The following LYPLAL1 variants were observed in gnomAD, a reference collection of about 807,000 sequenced individuals.
LYPLAL1 encodes lysophospholipase like 1.
LYPLAL1 carries 23 observed loss-of-function variants against 19.7 expected under a neutral mutation model. That is an observed-to-expected ratio of 1.17 (90% CI 0.84 to 1.65). LYPLAL1 has a LOEUF of 1.65. LYPLAL1 is among the 40% of genes most tolerant of loss of function. The pLI is 0.00. For missense variants in LYPLAL1, 355 were observed against 279.4 expected (o/e 1.27, Z -1.93); for synonymous variants, 119 against 96.3 (o/e 1.24, Z -1.38).
At chr1:219,399,738 A>T in the LYPLAL1 span, among the ~76,000 whole-genome samples, 8 of 152,080 alleles carry the variant, frequency 5.3e-5, no homozygotes, top group African/African-American at 1.9e-4. Context: ...GTCCCAGGAG[A>T]GGCCAGGACT....
chr1:219,270,378 G>A, the LYPLAL1 span, among the ~76,000 whole-genome samples: 4 of 152,200 alleles, frequency 2.6e-5, no homozygotes, highest in Admixed American at 6.5e-5. Context: ...AAGGTTTTAT[G>A]GATGAGCTTG....
chr1:219,265,069 T>C, the LYPLAL1 span, among the ~76,000 whole-genome samples: 2 of 152,234 alleles, frequency 1.3e-5, no homozygotes, highest in Non-Finnish European at 2.9e-5. Flanking sequence ...CTTGTGTTAA[T>C]TTCACTTTTT....
At chr1:219,404,790 A>G in the LYPLAL1 span, among the ~76,000 whole-genome samples, 1 of 152,254 alleles carries the variant, frequency 6.6e-6, no homozygotes, top group Non-Finnish European at 1.5e-5. Flanking sequence ...TGTCCTCAAC[A>G]CAAAGACATG....
chr1:219,314,337 C>T, the LYPLAL1 span, among the ~76,000 whole-genome samples: 1 of 152,214 alleles, frequency 6.6e-6, no homozygotes, highest in African/African-American at 2.4e-5. Flanking sequence ...TGGGCATATA[C>T]CCAATAATGG....
chr1:219,351,955 G>T, the LYPLAL1 span, among the ~76,000 whole-genome samples: 1 of 152,130 alleles, frequency 6.6e-6, no homozygotes, highest in Non-Finnish European at 1.5e-5. Flanking sequence ...GAGATTTCAG[G>T]GCTTTGTAAC....
the LYPLAL1 span, among the ~76,000 whole-genome samples, chr1:219,424,757 G>A: frequency 1.3e-5 from 2 of 152,134 alleles, no homozygotes; most frequent in Admixed American, 1.3e-4. Context: ...GACATTTAGG[G>A]AGAAAGATAA....
chr1:219,249,773 A>G, the LYPLAL1 span, among the ~76,000 whole-genome samples: 6 of 151,984 alleles, frequency 3.9e-5, no homozygotes, highest in African/African-American at 1.4e-4. Flanking sequence ...TTTAATTAAC[A>G]TTTCGCTGAT....
At chr1:219,219,931 T>G in the LYPLAL1 span, among the ~76,000 whole-genome samples, 2 of 141,952 alleles carry the variant, frequency 1.4e-5, no homozygotes, top group Non-Finnish European at 1.6e-5. Flanking sequence ...TGCAACAGTT[T>G]GGGAGAACAA....
the LYPLAL1 span, among the ~76,000 whole-genome samples, chr1:219,350,039 G>T: frequency 2.6e-5 from 4 of 152,154 alleles, no homozygotes; most frequent in African/African-American, 9.7e-5. Context: ...AGGTTCCATT[G>T]CATATTAAAA....
the LYPLAL1 span, among the ~76,000 whole-genome samples, chr1:219,434,409 T>C: frequency 6.6e-6 from 1 of 152,172 alleles, no homozygotes; most frequent in Non-Finnish European, 1.5e-5. Flanking sequence ...CGGATTAACT[T>C]AAGGCTTAAA....
chr1:219,430,002 C>G, the LYPLAL1 span, among the ~76,000 whole-genome samples: 1 of 152,074 alleles, frequency 6.6e-6, no homozygotes, highest in Non-Finnish European at 1.5e-5. Context: ...TTAGTCAGTG[C>G]TCTTGTCTAG....
chr1:219,250,436 G>A, the LYPLAL1 span, among the ~76,000 whole-genome samples: 1 of 151,896 alleles, frequency 6.6e-6, no homozygotes, highest in Admixed American at 6.6e-5. Context: ...TGTGGCATAA[G>A]TCTTGGCATT....
At chr1:219,180,514 A>G (rs910491241) in intron 2 of LYPLAL1, among the ~76,000 whole-genome samples, 1 of 152,188 alleles carries the variant, frequency 6.6e-6, no homozygotes, top group South Asian at 2.1e-4. Flanking sequence ...AATAGAGTTT[A>G]AAAGTTTGGT....
the LYPLAL1 span, among the ~76,000 whole-genome samples, chr1:219,376,447 A>G: frequency 6.6e-6 from 1 of 151,310 alleles, no homozygotes. Context: ...TATGACACCA[A>G]AAACAACGGA....
chr1:219,247,392 T>C, the LYPLAL1 span, among the ~76,000 whole-genome samples: 2 of 152,226 alleles, frequency 1.3e-5, no homozygotes, highest in Non-Finnish European at 2.9e-5. Flanking sequence ...GAGAAAGTTC[T>C]AGTTTGTGCT....
chr1:219,174,395 G>A (rs1459952406), intron 1 of LYPLAL1: 6 of 629,674 alleles, frequency 9.5e-6, no homozygotes, highest in Non-Finnish European at 1.2e-5. Flanking sequence ...GCTTTTTCCA[G>A]GCTCCCATAC....
At chr1:219,443,957 C>G in the LYPLAL1 span, among the ~76,000 whole-genome samples, 1 of 152,150 alleles carries the variant, frequency 6.6e-6, no homozygotes, top group African/African-American at 2.4e-5. Context: ...CACGCTGGGA[C>G]CAGTGAGACA....
the LYPLAL1 span, among the ~76,000 whole-genome samples, chr1:219,402,338 G>A: frequency 2.0e-3 from 306 of 152,160 alleles, 3 homozygotes; most frequent in African/African-American, 7.2e-3. Flanking sequence ...AAAAAAGAAA[G>A]TAAATTGCCC....
At chr1:219,336,996 G>T in the LYPLAL1 span, among the ~76,000 whole-genome samples, 1 of 152,104 alleles carries the variant, frequency 6.6e-6, no homozygotes, top group South Asian at 2.1e-4. Context: ...CTCCAGGGGA[G>T]CCTGTTTCTT....
Sources: gnomAD v4.1 joint callset for allele counts (sites outside exome capture counted in the v4.1 genomes callset) on GRCh38, gnomAD v4.1.1 for gene constraint, MANE v1.5 for transcripts, NCBI Gene and HGNC (gene_info 2026-07-23, HGNC 2026-07-21) for gene names.